The following MYT1L variants were observed in gnomAD, a reference collection of about 807,000 sequenced individuals.
The protein encoded by MYT1L is myelin transcription factor 1 like.
A neutral mutation model predicts 126.7 loss-of-function variants in MYT1L; 12 were observed. That is an observed-to-expected ratio of 0.09 (90% CI 0.06 to 0.15). MYT1L has a LOEUF of 0.15. MYT1L is among the 10% of genes least tolerant of loss of function. The pLI, the probability that MYT1L is intolerant of heterozygous loss-of-function variation, is 1.00. For missense variants in MYT1L, 979 were observed against 1,585.2 expected (o/e 0.62, Z 6.49); for synonymous variants, 541 against 604.2 (o/e 0.90, Z 1.53).
At chr2:2,116,084 A>G (rs1265125464) in intron 3 of MYT1L, among the ~76,000 whole-genome samples, 1 of 152,240 alleles carries the variant, frequency 6.6e-6, no homozygotes, top group African/African-American at 2.4e-5. Context: ...TGATTCCCGA[A>G]TGACCATGGT....
chr2:1,979,635 C>T lies in MYT1L; in HGVS notation c.56-81G>A, dbSNP rs540773765. 9.4e-6 allele frequency: 15 copies of T among 1,602,074 alleles called. No homozygotes were observed. The highest frequency in any genetic ancestry group is 3.3e-5 in the South Asian group (3 of 90,734). ...CCACAGAAAATTACCAAAAGGGTGGCATGAAAGTGGGGTCAGAATCGACCT... is the reference window on the plus strand; with the variant it reads ...CCACAGAAAATTACCAAAAGGGTGGTATGAAAGTGGGGTCAGAATCGACCT... On this transcript the variant is annotated intron_variant, in intron 6 of 24. Coordinates refer to ENST00000647738, the MANE Select transcript of MYT1L (RefSeq NM_001303052.2). This position sits in a 1 kb window ranked among gnomAD's most constrained non-coding sequence, Gnocchi z 4.0.
At chr2:2,089,196 C>T (rs981578936) in intron 3 of MYT1L, among the ~76,000 whole-genome samples, 4 of 152,176 alleles carry the variant, frequency 2.6e-5, no homozygotes, top group African/African-American at 4.8e-5. Flanking sequence ...AATTTAACTT[C>T]GAGCAATTTT....
intron 8 of MYT1L, among the ~76,000 whole-genome samples, chr2:1,964,891 C>T (rs886238097): frequency 7.2e-5 from 11 of 152,208 alleles, no homozygotes; most frequent in East Asian, 1.9e-4. Flanking sequence ...CTTGGGGTCA[C>T]GGGCAAGGAA....
At chr2:2,079,197 C>T (rs2075548715) in intron 3 of MYT1L, among the ~76,000 whole-genome samples, 1 of 151,610 alleles carries the variant, frequency 6.6e-6, no homozygotes, top group African/African-American at 2.4e-5. Context: ...ACTAAAACAA[C>T]TAGAATAAAA....
chr2:2,185,171 C>T (rs74757694), intron 2 of MYT1L, among the ~76,000 whole-genome samples: 7,008 of 152,208 alleles, frequency 0.046, 558 homozygotes, highest in African/African-American at 0.16. Context: ...CTCTTATATA[C>T]AAGCCTCCTT....
At chr2:2,015,388 A>G (rs897088223) in intron 4 of MYT1L, among the ~76,000 whole-genome samples, 13 of 152,132 alleles carry the variant, frequency 8.5e-5, no homozygotes, top group Non-Finnish European at 1.9e-4. Flanking sequence ...CCGTGCTCTA[A>G]AGATAAGGAA....
chr2:2,024,682 T>G (rs899203951), intron 4 of MYT1L, among the ~76,000 whole-genome samples: 1 of 152,216 alleles, frequency 6.6e-6, no homozygotes, highest in Non-Finnish European at 1.5e-5. Context: ...AAATTTCCAG[T>G]GTCTGCCTAC....
chr2:2,173,647 T>C (rs1218247437), intron 2 of MYT1L, among the ~76,000 whole-genome samples: 2 of 152,260 alleles, frequency 1.3e-5, no homozygotes, highest in Non-Finnish European at 2.9e-5. Context: ...GAATTTATTT[T>C]GTTAAACAAA....
intron 2 of MYT1L, among the ~76,000 whole-genome samples, chr2:2,246,528 C>A (rs1171482313): frequency 6.6e-6 from 1 of 152,156 alleles, no homozygotes; most frequent in Non-Finnish European, 1.5e-5. Context: ...GGTCCCTGTA[C>A]CTGTGAGGGG....
intron 5 of MYT1L, among the ~76,000 whole-genome samples, chr2:1,995,598 G>A (rs888937329): frequency 2.0e-5 from 3 of 152,218 alleles, no homozygotes; most frequent in Non-Finnish European, 2.9e-5. Flanking sequence ...ACTGAAGGAA[G>A]TGAGTGGGTG....
At chr2:2,140,432 C>CTTTTTTTTTTT (rs35297300) in intron 3 of MYT1L, among the ~76,000 whole-genome samples, 107 of 112,934 alleles carry the variant, frequency 9.5e-4, no homozygotes, top group Non-Finnish European at 1.4e-3. Flanking sequence ...CTTTCTTTTT[C>CTTTTTTTTTTT]TTTTTTTTTT....
chr2:2,134,070 C>G (rs983988610), intron 3 of MYT1L, among the ~76,000 whole-genome samples: 1 of 152,174 alleles, frequency 6.6e-6, no homozygotes, highest in African/African-American at 2.4e-5. Context: ...GGTGATCAAA[C>G]ACAATTCAAC....
chr2:2,205,988 CT>C (rs34725591), intron 2 of MYT1L, among the ~76,000 whole-genome samples: 26,240 of 145,518 alleles, frequency 0.18, 2,291 homozygotes, highest in South Asian at 0.25. Flanking sequence ...TCTTTTCTTT[CT>C]TTTTTTTTTT....
chr2:1,932,079 G>A (rs1174431466), intron 9 of MYT1L, among the ~76,000 whole-genome samples: 2 of 152,176 alleles, frequency 1.3e-5, no homozygotes, highest in Non-Finnish European at 2.9e-5. Context: ...CACTCCCATG[G>A]CCATTGATGG....
At chr2:1,835,386 G>C (rs2040745870) in intron 21 of MYT1L, among the ~76,000 whole-genome samples, 1 of 152,160 alleles carries the variant, frequency 6.6e-6, no homozygotes, top group Non-Finnish European at 1.5e-5. Flanking sequence ...CTCTATGAAA[G>C]TGAAAAAGAA....
chr2:1,934,269 C>A (rs1380581892), intron 9 of MYT1L, among the ~76,000 whole-genome samples: 2 of 134,494 alleles, frequency 1.5e-5, no homozygotes, highest in South Asian at 4.7e-4. Flanking sequence ...CACAGCCCCC[C>A]GCCTGATTTT....
intron 2 of MYT1L, among the ~76,000 whole-genome samples, chr2:2,191,245 G>C (rs557418778): frequency 2.6e-4 from 40 of 152,278 alleles, no homozygotes; most frequent in African/African-American, 9.1e-4. Flanking sequence ...GTCTGAGAAG[G>C]CTGTGCCTGC....
intron 2 of MYT1L, among the ~76,000 whole-genome samples, chr2:2,211,508 T>C (rs916733010): frequency 6.6e-6 from 1 of 152,140 alleles, no homozygotes; most frequent in African/African-American, 2.4e-5. Context: ...ATAACTCATC[T>C]TTAAGACTGA....
At chr2:2,263,320 G>A (rs1030662432) in intron 2 of MYT1L, among the ~76,000 whole-genome samples, 5 of 151,934 alleles carry the variant, frequency 3.3e-5, no homozygotes, top group African/African-American at 1.2e-4. Flanking sequence ...CCCAGCTCCA[G>A]GGTTAACGAC....
Sources: allele counts gnomAD v4.1 joint callset (sites outside exome capture counted in the v4.1 genomes callset), GRCh38; gene constraint gnomAD v4.1.1; non-coding constraint Gnocchi (gnomAD v3.1); transcripts MANE v1.5; gene names NCBI Gene and HGNC (gene_info 2026-07-23, HGNC 2026-07-21).